BCAR3: variants seen among roughly 807,000 people sequenced by gnomAD.
The protein encoded by BCAR3 is BCAR3 adaptor protein, NSP family member, also known as breast cancer anti-estrogen resistance protein 3.
Under a neutral mutation model 80.1 loss-of-function variants are expected in BCAR3, and 37 were observed. The ratio of observed to expected loss-of-function variants is 0.46; its 90% CI spans 0.36 to 0.61. The LOEUF is 0.61. Ranked by LOEUF, BCAR3 falls within the 20% of genes least tolerant of loss-of-function variation. The pLI, the probability that BCAR3 is intolerant of heterozygous loss-of-function variation, is 0.00. For synonymous variants in BCAR3, 389 were observed against 418.9 expected (o/e 0.93, Z 0.87); for missense variants, 978 against 1,068.2 (o/e 0.92, Z 1.18).
intron 2 of BCAR3, among the ~76,000 whole-genome samples, chr1:93,807,074 C>G (rs999408612): frequency 4.6e-5 from 7 of 151,828 alleles, no homozygotes; most frequent in African/African-American, 1.7e-4. Flanking sequence ...CACTGCACTC[C>G]AGCCTGGATG....
intron 2 of BCAR3, among the ~76,000 whole-genome samples, chr1:93,761,161 G>A (rs1401512893): frequency 6.6e-6 from 1 of 152,166 alleles, no homozygotes; most frequent in African/African-American, 2.4e-5. Context: ...GCTGGTGGCA[G>A]GAGTCTGCCC....
chr1:93,775,143 A>G (rs1431323153), intron 2 of BCAR3: 1 of 152,206 alleles, frequency 6.6e-6, no homozygotes, highest in Non-Finnish European at 1.5e-5. Context: ...AATTTAATTG[A>G]GTTTAACATC....
Position 93,582,490 on chromosome 1 carries a change from C to T in BCAR3, c.1497G>A (p.Trp499Ter). 6.2e-7 allele frequency: 1 copy of T among 1,614,134 alleles called. No individual in the cohort carries two copies. Among genetic ancestry groups the T allele is most frequent in the Non-Finnish European group, 8.5e-7 (1 of 1,180,030 alleles). Reference protein sequence around the residue: ...PAAAQMEKGQWDKGEFVTPLL... With the variant: ...PAAAQMEKGQ ...GGGGCGTCACAAACTCGCCCTTGTC[C>T]CACTGCCCCTTCTCCATCTGAGCTG... The change falls in exon 7 of 12, where the codon TGG (tryptophan) becomes TGA (stop). Residue 499 changes from tryptophan to a stop codon, truncating the protein, a stop_gained. Coordinates refer to ENST00000260502, the MANE Select transcript of BCAR3 (RefSeq NM_003567.4). LOFTEE classifies it high-confidence loss of function.
intron 2 of BCAR3, among the ~76,000 whole-genome samples, chr1:93,808,146 G>A (rs1653718462): frequency 6.6e-6 from 1 of 151,622 alleles, no homozygotes; most frequent in East Asian, 1.9e-4. Flanking sequence ...GAGAAGATCA[G>A]AGAGAGACCT....
Position 93,592,300 on chromosome 1 carries a change from T to G in BCAR3, c.451A>C (p.Ser151Arg), listed in dbSNP as rs754501424. Reference sequence around the variant, plus strand: ...ATGCGGCCGTGGTACCAGGCATGGCTGCGCAGGTCCTCGCTGCTCAGGAGC... The same window carrying G: ...ATGCGGCCGTGGTACCAGGCATGGCGGCGCAGGTCCTCGCTGCTCAGGAGC... ...ELLLSSEDLR[S>R]HAWYHGRIPR... is the part of the protein sequence containing the mutation. The change falls in exon 4 of 12, where the codon AGC becomes CGC. Residue 151 changes from serine to arginine, a missense_variant. Physicochemically the swap from Ser to Arg is moderately radical, Grantham distance 110. Transcript: ENST00000260502. The surrounding 1 kb of genome is among the most constrained non-coding windows in gnomAD (Gnocchi z 4.8). 6.2e-7 allele frequency: 1 copy of G among 1,612,634 alleles called. No individual in the cohort carries two copies. The highest frequency in any genetic ancestry group is 1.1e-5 in the South Asian group (1 of 91,062).
At chr1:93,654,812 A>G (rs970962743) in intron 2 of BCAR3, among the ~76,000 whole-genome samples, 3 of 151,396 alleles carry the variant, frequency 2.0e-5, no homozygotes, top group Non-Finnish European at 4.4e-5. Context: ...TTCACACACC[A>G]CCTCCTCCGA....
At chr1:93,760,520 T>C (rs1329928452) in intron 2 of BCAR3, among the ~76,000 whole-genome samples, 1 of 151,764 alleles carries the variant, frequency 6.6e-6, no homozygotes, top group Non-Finnish European at 1.5e-5. Flanking sequence ...ACTAATAAAA[T>C]AAAGATAAAT....
Position 93,609,998 on chromosome 1 carries a change from C to T in BCAR3, c.358-17605G>A, listed in dbSNP as rs543109716. 8.5e-5 allele frequency among the ~76,000 whole-genome samples: 13 copies of T among 152,290 alleles called. No individual in the cohort carries two copies. The South Asian group carries it at 1.9e-3, about 22-fold the overall frequency. The stretch of plus-strand genomic sequence containing the variant: ...AGAGCAACACCAAATCAGTGATAAC[C>T]GATCGTTTCCTTCAACCAGAGTTAA... On this transcript the variant is annotated intron_variant, in intron 3 of 11. Transcript: ENST00000260502.
intron 2 of BCAR3, among the ~76,000 whole-genome samples, chr1:93,652,735 C>T (rs1676363520): frequency 6.6e-6 from 1 of 152,098 alleles, no homozygotes; most frequent in Non-Finnish European, 1.5e-5. Context: ...GAGGGTCTGG[C>T]AGGCACCTCG....
rs564479665 is a variant in BCAR3 at position 93,713,668 on chromosome 1, T to C, written c.-62-7526A>G. 4.6e-5 allele frequency among the ~76,000 whole-genome samples: 7 copies of C among 152,290 alleles called. No individual in the cohort carries two copies. In the South Asian group the frequency reaches 1.4e-3, roughly 32 times the overall value. On this transcript the variant is annotated intron_variant, in intron 2 of 13. Transcript: ENST00000370244. ...GCTTCCCCCTTCAAGATTTCTAGAA[T>C]TGCAGATTGAAAAACCCACAGCAAT...
intron 1 of BCAR3, 34 bp from the exon 2 acceptor site, chr1:93,674,975 C>G: frequency 6.8e-7 from 1 of 1,469,010 alleles, no homozygotes; most frequent in Non-Finnish European, 9.1e-7. Flanking sequence ...AGGTATAAAT[C>G]TATGAGAGTC....
intron 2 of BCAR3, among the ~76,000 whole-genome samples, chr1:93,734,895 T>C (rs951593760): frequency 1.4e-4 from 21 of 152,212 alleles, no homozygotes; most frequent in African/African-American, 5.1e-4. Context: ...TAAATGTTAG[T>C]TCCTCTGAGT....
chr1:93,614,642 C>T (rs1288525478), intron 3 of BCAR3, among the ~76,000 whole-genome samples: 1 of 152,148 alleles, frequency 6.6e-6, no homozygotes, highest in Non-Finnish European at 1.5e-5. Flanking sequence ...ACTGGCAAAG[C>T]AATATTGCCT....
intron 2 of BCAR3, among the ~76,000 whole-genome samples, chr1:93,816,035 G>A (rs931916112): frequency 6.6e-6 from 1 of 152,172 alleles, no homozygotes; most frequent in Non-Finnish European, 1.5e-5. Context: ...AGAACAAGAG[G>A]TACGTATTCA....
At chr1:93,740,694 G>A (rs867402954) in intron 2 of BCAR3, among the ~76,000 whole-genome samples, 1 of 152,078 alleles carries the variant, frequency 6.6e-6, no homozygotes, top group Non-Finnish European at 1.5e-5. Context: ...GTCGCTCAGC[G>A]GAGCAGAGGT....
At chr1:93,580,814 G>T (rs1246189260) in intron 7 of BCAR3, among the ~76,000 whole-genome samples, 1 of 152,068 alleles carries the variant, frequency 6.6e-6, no homozygotes, top group African/African-American at 2.4e-5. Flanking sequence ...GGTTGCTTTG[G>T]GACCACCTAT....
At chr1:93,691,922 C>T (rs2101964253) in intron 3 of BCAR3, among the ~76,000 whole-genome samples, 1 of 152,296 alleles carries the variant, frequency 6.6e-6, no homozygotes, top group East Asian at 1.9e-4. Context: ...CCTTTTGCTG[C>T]TAAAATGTGG....
chr1:93,660,221 A>G (rs958626699), intron 2 of BCAR3, among the ~76,000 whole-genome samples: 6 of 152,158 alleles, frequency 3.9e-5, no homozygotes, highest in Non-Finnish European at 7.3e-5. Context: ...CATTAAGGAG[A>G]TAATTTAGCC....
At chr1:93,754,389 GA>G (rs1651678500) in intron 2 of BCAR3, 2 of 152,220 alleles carry the variant, frequency 1.3e-5, no homozygotes, top group Non-Finnish European at 2.9e-5. Flanking sequence ...GATAACAAAT[GA>G]TGAAATTATG....
Sources: allele counts gnomAD v4.1 joint callset (sites outside exome capture counted in the v4.1 genomes callset), GRCh38; gene constraint gnomAD v4.1.1; non-coding constraint Gnocchi (gnomAD v3.1); transcripts MANE v1.5; gene names NCBI Gene and HGNC (gene_info 2026-07-23, HGNC 2026-07-21).